Variants in MET observed in about 807,000 individuals in gnomAD.
The protein encoded by MET is hepatocyte growth factor receptor.
Under a neutral mutation model 133.1 loss-of-function variants are expected in MET, and 48 were observed. The ratio of observed to expected loss-of-function variants is 0.36; its 90% confidence interval spans 0.29 to 0.46. MET has a LOEUF of 0.46. Among genes scored for constraint, MET ranks in the 20% least tolerant of loss-of-function variants. The probability of loss-of-function intolerance (pLI) is 1.00; values close to 1 mark genes in which losing one functional copy is unlikely to be tolerated. For missense variants in MET, 1,442 were observed against 1,695.9 expected (o/e 0.85, Z 2.63); for synonymous variants, 628 against 616.5 (o/e 1.02, Z -0.28).
At chr7:116,716,111 G>A (rs1057430424) in intron 2 of MET, among the ~76,000 whole-genome samples, 2 of 152,004 alleles carry the variant, frequency 1.3e-5, no homozygotes, top group Admixed American at 1.3e-4. Flanking sequence ...AATTAGCCAG[G>A]TATTGTGGCA....
chr7:116,726,177 A>ACACACACACAC, intron 2 of MET, among the ~76,000 whole-genome samples: 1 of 126,718 alleles, frequency 7.9e-6, no homozygotes, highest in African/African-American at 3.0e-5. Context: ...ATATATATAT[A>ACACACACACAC]TGGGATATAA....
chr7:116,741,939 T>C (rs1584924723), intron 5 of MET, among the ~76,000 whole-genome samples: 2 of 152,364 alleles, frequency 1.3e-5, no homozygotes, highest in Admixed American at 6.5e-5. Context: ...CTTATTTGCT[T>C]AAGCATATAT....
chr7:116,683,033 C>G (rs1796418939), intron 1 of MET, among the ~76,000 whole-genome samples: 1 of 152,186 alleles, frequency 6.6e-6, no homozygotes, highest in African/African-American at 2.4e-5. Context: ...ACCCACCTTA[C>G]AACTCTTCCC....
At chr7:116,747,924 T>C (rs948777033) in intron 5 of MET, among the ~76,000 whole-genome samples, 1 of 152,168 alleles carries the variant, frequency 6.6e-6, no homozygotes, top group African/African-American at 2.4e-5. Flanking sequence ...CAGATGACAC[T>C]ACAATCAAAT....
chr7:116,740,161 CTTTA>C (rs752080939), intron 4 of MET, 77 bp downstream of exon 4: 1 of 1,517,384 alleles, frequency 6.6e-7, no homozygotes, highest in South Asian at 1.1e-5. Context: ...TCACTTGGCC[CTTTA>C]TAATGTCTCT....
chr7:116,687,620 C>T (rs1427848823), intron 1 of MET, among the ~76,000 whole-genome samples: 1 of 152,052 alleles, frequency 6.6e-6, no homozygotes, highest in Non-Finnish European at 1.5e-5. Flanking sequence ...GTCTACTTTG[C>T]CTAAATAAGA....
At chr7:116,719,410 T>C (rs1471202319) in intron 2 of MET, among the ~76,000 whole-genome samples, 5 of 152,184 alleles carry the variant, frequency 3.3e-5, no homozygotes, top group Non-Finnish European at 5.9e-5. Context: ...GATGAGTAGG[T>C]TGCAAAAATT....
At chr7:116,743,945 C>G (rs556268027) in intron 5 of MET, among the ~76,000 whole-genome samples, 1 of 152,254 alleles carries the variant, frequency 6.6e-6, no homozygotes, top group African/African-American at 2.4e-5. Context: ...AGCAGTGAGG[C>G]CTGACTGTTA....
intron 19 of MET, among the ~76,000 whole-genome samples, chr7:116,788,582 G>T (rs1314566498): frequency 6.6e-6 from 1 of 152,162 alleles, no homozygotes; most frequent in Non-Finnish European, 1.5e-5. Context: ...AGATAGGATG[G>T]TGCTATTTCT....
intron 2 of MET, among the ~76,000 whole-genome samples, chr7:116,722,589 C>A (rs1222579313): frequency 6.6e-6 from 1 of 151,608 alleles, no homozygotes; most frequent in African/African-American, 2.4e-5. Context: ...ATGGTCTTTA[C>A]ATTTTGGCAT....
At chr7:116,784,181 T>A (rs1015575369) in intron 19 of MET, among the ~76,000 whole-genome samples, 1 of 152,176 alleles carries the variant, frequency 6.6e-6, no homozygotes, top group African/African-American at 2.4e-5. Context: ...GAAACAGTAC[T>A]TAGTTATTTG....
chr7:116,721,672 C>T (rs1792490704), intron 2 of MET, among the ~76,000 whole-genome samples: 1 of 152,046 alleles, frequency 6.6e-6, no homozygotes, highest in South Asian at 2.1e-4. Flanking sequence ...CCCAGAGATT[C>T]TGGTATGTTG....
intron 5 of MET, among the ~76,000 whole-genome samples, chr7:116,749,033 G>T (rs571021707): frequency 6.5e-4 from 99 of 152,286 alleles, no homozygotes; most frequent in African/African-American, 2.3e-3. Flanking sequence ...GGTACAAAGA[G>T]GAGCTGGTAC....
chr7:116,770,968 T>C (rs772825451), intron 12 of MET, among the ~76,000 whole-genome samples: 15 of 152,140 alleles, frequency 9.9e-5, no homozygotes, highest in Non-Finnish European at 1.8e-4. Context: ...AATCATAAAA[T>C]GTTAGAGCCA....
chr7:116,724,618 TC>T (rs1369291785), intron 2 of MET, among the ~76,000 whole-genome samples: 1 of 152,136 alleles, frequency 6.6e-6, no homozygotes, highest in Admixed American at 6.5e-5. Flanking sequence ...CACCTAAACA[TC>T]CCAAGCAATG....
chr7:116,747,431 G>C (rs1584930393), intron 5 of MET, among the ~76,000 whole-genome samples: 1 of 152,154 alleles, frequency 6.6e-6, no homozygotes, highest in African/African-American at 2.4e-5. Flanking sequence ...GGCGGAGGAA[G>C]ATTTACCAAG....
At chr7:116,763,967 T>G (rs1285107403) in intron 11 of MET, among the ~76,000 whole-genome samples, 11 of 152,204 alleles carry the variant, frequency 7.2e-5, no homozygotes, top group African/African-American at 2.7e-4. Flanking sequence ...GAATTATTCA[T>G]AGCTCCAGTC....
chr7:116,705,751 T>C lies in MET; in HGVS notation c.1200+5467T>C, dbSNP rs1791765300. 2.6e-5 allele frequency among the ~76,000 whole-genome samples: 4 copies of C among 152,172 alleles called. No individual in the cohort carries two copies. The South Asian group carries it at 8.3e-4, about 31-fold the overall frequency. Reference sequence around the variant, plus strand: ...TTACATTTCATTTCTTTTTCTTTCCTAGACACTACTTCATCCTCTCATAGG... The same window carrying C: ...TTACATTTCATTTCTTTTTCTTTCCCAGACACTACTTCATCCTCTCATAGG... On this transcript the variant is annotated intron_variant, in intron 2 of 20. Transcript: ENST00000397752.
At chr7:116,695,821 T>C (rs1325544646) in intron 1 of MET, 2 of 477,870 alleles carry the variant, frequency 4.2e-6, no homozygotes, top group Non-Finnish European at 8.6e-6. Flanking sequence ...ATACATGTTC[T>C]TGTTATTTTT....
Sources: gnomAD v4.1 joint callset for allele counts (sites outside exome capture counted in the v4.1 genomes callset) on GRCh38, gnomAD v4.1.1 for gene constraint, MANE v1.5 for transcripts, NCBI Gene and HGNC (gene_info 2026-07-23, HGNC 2026-07-21) for gene names.